NKAIN2: variants seen among roughly 807,000 people sequenced by gnomAD.
The protein encoded by NKAIN2 is sodium/potassium transporting ATPase interacting 2.
In NKAIN2, 14 loss-of-function variants were observed where a neutral mutation model predicts 32.6. That is an observed-to-expected ratio of 0.43 (90% CI 0.28 to 0.67). The LOEUF (loss-of-function observed/expected upper bound fraction) is 0.67, where lower values mean the gene tolerates loss of function less well. Ranked by LOEUF, NKAIN2 falls within the 30% of genes least tolerant of loss-of-function variation. NKAIN2 has a pLI of 0.17. For synonymous variants in NKAIN2, 80 were observed against 87.2 expected, an observed-to-expected ratio of 0.92 and a Z score of 0.46; for missense variants, 198 against 258.3, an observed-to-expected ratio of 0.77 and a Z score of 1.60.
chr6:124,085,532 T>G (rs978200369), intron 1 of NKAIN2, among the ~76,000 whole-genome samples: 10 of 151,970 alleles, frequency 6.6e-5, no homozygotes, highest in African/African-American at 2.4e-4. Context: ...GTCTTGGTGG[T>G]CTTGGTGAGT....
chr6:124,629,583 G>A (rs1783484643), intron 3 of NKAIN2, among the ~76,000 whole-genome samples: 1 of 152,086 alleles, frequency 6.6e-6, no homozygotes, highest in Non-Finnish European at 1.5e-5. Flanking sequence ...GTGCTTTTGA[G>A]CTTAAGAGAA....
intron 4 of NKAIN2, among the ~76,000 whole-genome samples, chr6:124,775,547 T>C (rs1271064488): frequency 6.6e-6 from 1 of 152,230 alleles, no homozygotes; most frequent in Non-Finnish European, 1.5e-5. Flanking sequence ...TATTTCTGTT[T>C]ATTTAATCCC....
intron 1 of NKAIN2, among the ~76,000 whole-genome samples, chr6:124,162,080 A>G (rs1346955201): frequency 1.3e-5 from 2 of 152,142 alleles, no homozygotes; most frequent in Non-Finnish European, 2.9e-5. Flanking sequence ...ATTTCTGGGG[A>G]AAGTCAGAGA....
intron 3 of NKAIN2, among the ~76,000 whole-genome samples, chr6:124,385,415 A>G (rs929169069): frequency 3.9e-5 from 6 of 152,074 alleles, no homozygotes; most frequent in African/African-American, 1.4e-4. Flanking sequence ...AATGCAGCCA[A>G]TCTCCACCTC....
At chr6:124,516,300 G>C (rs1255292671) in intron 3 of NKAIN2, among the ~76,000 whole-genome samples, 1 of 152,144 alleles carries the variant, frequency 6.6e-6, no homozygotes, top group Non-Finnish European at 1.5e-5. Context: ...AAACTTGAAA[G>C]AGATGAGGTT....
At chr6:123,999,237 C>A (rs1779775504) in intron 1 of NKAIN2, among the ~76,000 whole-genome samples, 1 of 152,012 alleles carries the variant, frequency 6.6e-6, no homozygotes, top group Non-Finnish European at 1.5e-5. Flanking sequence ...GCCCTAGTGC[C>A]TACATTATTC....
At chr6:123,806,747 TC>T (rs1773232962) in intron 1 of NKAIN2, among the ~76,000 whole-genome samples, 1 of 152,078 alleles carries the variant, frequency 6.6e-6, no homozygotes, top group South Asian at 2.1e-4. Flanking sequence ...CATTTGGGCA[TC>T]TTTTTTTTGG....
rs1180146279 is a variant in NKAIN2, at chr6:123,803,982, T to C, written c.-219T>C. 6.6e-6 allele frequency among the ~76,000 whole-genome samples: 1 copy of C among 150,504 alleles called. No homozygotes were observed. Among genetic ancestry groups the C allele is most frequent in the Non-Finnish European group, 1.5e-5 (1 of 67,406 alleles). On this transcript the variant is annotated 5_prime_UTR_variant, in exon 1 of 7. Transcript: ENST00000368417. ...GGCGTGTGCACCGAGCGAGTGAAGG[T>C]ATGTGTGGCGGGCGCGGCTGGAGCT...
intron 1 of NKAIN2, among the ~76,000 whole-genome samples, chr6:123,933,715 G>T (rs1296691691): frequency 6.6e-6 from 1 of 152,214 alleles, no homozygotes; most frequent in East Asian, 1.9e-4. Context: ...CAAGCAGAAA[G>T]CTTGGCCTTT....
At chr6:124,404,452 C>G (rs1453039738) in intron 3 of NKAIN2, among the ~76,000 whole-genome samples, 1 of 152,154 alleles carries the variant, frequency 6.6e-6, no homozygotes, top group Admixed American at 6.6e-5. Flanking sequence ...CACCACCTCC[C>G]TGAGTTTCTT....
chr6:124,544,623 A>C (rs1192566482), intron 3 of NKAIN2, among the ~76,000 whole-genome samples: 1 of 152,090 alleles, frequency 6.6e-6, no homozygotes, highest in Non-Finnish European at 1.5e-5. Flanking sequence ...AGGGGCAAGG[A>C]ATGTTTCCCG....
At chr6:124,054,050 T>G (rs1912440) in intron 1 of NKAIN2, among the ~76,000 whole-genome samples, 5,822 of 152,190 alleles carry the variant, frequency 0.038, 342 homozygotes, top group African/African-American at 0.12. Flanking sequence ...AAGCATTTTA[T>G]ATGTATTATC....
chr6:124,265,176 T>C (rs1794436648), intron 1 of NKAIN2, among the ~76,000 whole-genome samples: 1 of 152,082 alleles, frequency 6.6e-6, no homozygotes, highest in Non-Finnish European at 1.5e-5. Context: ...CATTCAAATA[T>C]GTTAAATTAA....
chr6:124,402,694 C>T (rs969113640), intron 3 of NKAIN2, among the ~76,000 whole-genome samples: 12 of 152,218 alleles, frequency 7.9e-5, no homozygotes, highest in South Asian at 2.1e-4. Context: ...AGCAAACTAA[C>T]GCCGGAACAG....
At chr6:124,692,828 A>T (rs1164117039) in intron 4 of NKAIN2, among the ~76,000 whole-genome samples, 1 of 152,136 alleles carries the variant, frequency 6.6e-6, no homozygotes, top group Non-Finnish European at 1.5e-5. Context: ...AGAAAAAAAA[A>T]AATATATGTA....
At chr6:123,947,271 A>G (rs563733957) in intron 1 of NKAIN2, among the ~76,000 whole-genome samples, 46 of 152,310 alleles carry the variant, frequency 3.0e-4, no homozygotes, top group Admixed American at 8.5e-4. Context: ...GACTTTTTCT[A>G]GATCTGACTA....
At chr6:124,476,063 A>AGAGAGAGT (rs1554213817) in intron 3 of NKAIN2, among the ~76,000 whole-genome samples, 5 of 115,024 alleles carry the variant, frequency 4.3e-5, no homozygotes, top group African/African-American at 1.8e-4. Context: ...AGAGAGAGAG[A>AGAGAGAGT]GAGTGTGTGT....
intron 1 of NKAIN2, among the ~76,000 whole-genome samples, chr6:123,892,171 T>A (rs1322145139): frequency 6.6e-6 from 1 of 152,138 alleles, no homozygotes; most frequent in Admixed American, 6.6e-5. Context: ...CACAGGCAGG[T>A]CAAACTGCAT....
chr6:123,970,765 G>A (rs982040367), intron 1 of NKAIN2, among the ~76,000 whole-genome samples: 1 of 151,838 alleles, frequency 6.6e-6, no homozygotes, highest in East Asian at 2.0e-4. Flanking sequence ...GCCTGTAATC[G>A]CAGCTACTTA....
Sources: allele counts gnomAD v4.1 joint callset (sites outside exome capture counted in the v4.1 genomes callset), GRCh38; gene constraint gnomAD v4.1.1; transcripts MANE v1.5; gene names NCBI Gene and HGNC (gene_info 2026-07-23, HGNC 2026-07-21).